Variants in KLHL29 observed in about 807,000 individuals in gnomAD.
The protein encoded by KLHL29 is kelch-like protein 29.
In KLHL29, 21 loss-of-function variants were observed where a neutral mutation model predicts 80.4. The observed-to-expected ratio is 0.26, with a 90% CI of 0.19 to 0.38. The LOEUF (loss-of-function observed/expected upper bound fraction) is 0.38, where lower values mean the gene tolerates loss of function less well. Ranked by LOEUF, KLHL29 falls within the 10% of genes least tolerant of loss-of-function variation. The pLI is 1.00. For missense variants in KLHL29, 867 were observed against 1,223.9 expected (o/e 0.71, Z 4.35); for synonymous variants, 511 against 526.8 (o/e 0.97, Z 0.41).
Position 23,400,485 on chromosome 2 carries a change from T to A in KLHL29, c.-154+14705T>A, listed in dbSNP as rs568576099. Among the ~76,000 whole-genome samples, 7 of 152,260 alleles carry A rather than the reference T, an allele frequency of 4.6e-5. No homozygotes were observed. In the South Asian group the frequency reaches 1.5e-3, roughly 32 times the overall value. ...CAACACTGAGGTCAGTGTCTCCTCA[T>A]TTCCCCAATGCTGGGCAGTATCTTA... is the stretch of plus-strand genomic sequence containing the variant. On this transcript the variant is annotated intron_variant, in intron 1 of 13. Transcript: ENST00000486442.
At chr2:23,510,942 C>CA (rs1473337951) in intron 2 of KLHL29, among the ~76,000 whole-genome samples, 1 of 151,954 alleles carries the variant, frequency 6.6e-6, no homozygotes, top group Non-Finnish European at 1.5e-5. Flanking sequence ...TGAGTTTGGA[C>CA]AAAAAAATAT....
intron 3 of KLHL29, among the ~76,000 whole-genome samples, chr2:23,584,214 G>A (rs1016016797): frequency 6.6e-6 from 1 of 152,182 alleles, no homozygotes; most frequent in African/African-American, 2.4e-5. Flanking sequence ...CCTGGGCCTG[G>A]GTATGAAATT....
intron 1 of KLHL29, among the ~76,000 whole-genome samples, 155 bp downstream of exon 1, chr2:23,385,935 G>A (rs1666165749): frequency 6.6e-6 from 1 of 151,972 alleles, no homozygotes; most frequent in African/African-American, 2.4e-5. Context: ...GGCGACAGGA[G>A]CCTCCCGCGT....
intron 11 of KLHL29, among the ~76,000 whole-genome samples, chr2:23,698,659 CATT>C (rs1244891487): frequency 6.6e-6 from 1 of 152,138 alleles, no homozygotes; most frequent in African/African-American, 2.4e-5. Context: ...TGTATTATAT[CATT>C]ATATAAATAA....
chr2:23,594,833 G>A (rs1457716244), intron 3 of KLHL29, among the ~76,000 whole-genome samples: 1 of 151,998 alleles, frequency 6.6e-6, no homozygotes, highest in Non-Finnish European at 1.5e-5. Flanking sequence ...CATACCAAAT[G>A]GGTTTTAATT....
intron 3 of KLHL29, among the ~76,000 whole-genome samples, chr2:23,575,068 C>G (rs1667809573): frequency 6.6e-6 from 1 of 152,200 alleles, no homozygotes; most frequent in Admixed American, 6.5e-5. Context: ...CAGCCTCTCC[C>G]CTCTCCCATT....
intron 1 of KLHL29, among the ~76,000 whole-genome samples, chr2:23,419,257 C>T (rs1662710135): frequency 6.6e-6 from 1 of 152,254 alleles, no homozygotes; most frequent in Non-Finnish European, 1.5e-5. Context: ...CTGGCCAGAA[C>T]TGTCCCGCTC....
At chr2:23,459,782 CT>C (rs1162670551) in intron 1 of KLHL29, among the ~76,000 whole-genome samples, 1 of 152,168 alleles carries the variant, frequency 6.6e-6, no homozygotes, top group Non-Finnish European at 1.5e-5. Flanking sequence ...GTGTTGAAAG[CT>C]TCTGGGATAG....
chr2:23,388,980 T>TTTCTTCTTC (rs1553317242), intron 1 of KLHL29, among the ~76,000 whole-genome samples: 1 of 136,162 alleles, frequency 7.3e-6, no homozygotes. Context: ...TTTTTCTTTC[T>TTTCTTCTTC]TTCTTCTTCT....
At chr2:23,685,513 AC>A (rs1671217975) in intron 6 of KLHL29, 2 of 151,942 alleles carry the variant, frequency 1.3e-5, no homozygotes, top group African/African-American at 4.8e-5. Context: ...TTGCCAACTA[AC>A]CCCGGAGTGA....
rs1486820285 is a variant in KLHL29, at chr2:23,696,213, C to T, written c.1924+80C>T. 4.7e-6 allele frequency: 7 copies of T among 1,492,776 alleles called. No homozygotes were observed. The highest frequency in any genetic ancestry group is 2.5e-5 in the East Asian group (1 of 40,600). The allele number at this position is 1,492,776 out of a possible 1,614,324, so 92.5% of individuals were successfully genotyped here. A position where few individuals can be genotyped will look rare whatever the true frequency, so the allele number is the denominator to read the frequency against. On this transcript the variant is annotated intron_variant, in intron 10 of 13. Coordinates refer to ENST00000486442, the MANE Select transcript of KLHL29 (RefSeq NM_052920.2). The surrounding 1 kb of genome is among the most constrained non-coding windows in gnomAD (Gnocchi z 5.5). The stretch of plus-strand genomic sequence containing the variant: ...CTCCCCACGTCAGGGCTGAGGAAGG[C>T]CATGGCCCAGAAGTGTCTACTTTGC...
chr2:23,412,141 C>A (rs563298228), intron 1 of KLHL29, among the ~76,000 whole-genome samples: 12 of 127,788 alleles, frequency 9.4e-5, no homozygotes, highest in Admixed American at 4.8e-4. Flanking sequence ...GGGGGCGGTG[C>A]GGTAGAGGTA....
intron 1 of KLHL29, among the ~76,000 whole-genome samples, chr2:23,388,788 C>T (rs1448758009): frequency 6.6e-6 from 1 of 151,800 alleles, no homozygotes; most frequent in Non-Finnish European, 1.5e-5. Flanking sequence ...CAAATGGCAC[C>T]CCTAATACTA....
intron 5 of KLHL29, among the ~76,000 whole-genome samples, chr2:23,663,307 C>G (rs1322931268): frequency 1.3e-5 from 2 of 152,218 alleles, no homozygotes; most frequent in African/African-American, 4.8e-5. Flanking sequence ...TAGGGGTCCC[C>G]TCCTCGCCTG....
intron 2 of KLHL29, among the ~76,000 whole-genome samples, chr2:23,507,418 G>A (rs879611051): frequency 6.6e-6 from 1 of 152,144 alleles, no homozygotes; most frequent in Non-Finnish European, 1.5e-5. Context: ...CCGTCCCGGA[G>A]CAGCGTCACA....
At chr2:23,508,225 T>C (rs1665661416) in intron 2 of KLHL29, among the ~76,000 whole-genome samples, 1 of 152,242 alleles carries the variant, frequency 6.6e-6, no homozygotes, top group Non-Finnish European at 1.5e-5. Flanking sequence ...ACCGTCTTAC[T>C]ACTCTCACAG....
intron 5 of KLHL29, among the ~76,000 whole-genome samples, chr2:23,654,549 C>CTTGTAGTAATGGTG: frequency 6.6e-6 from 1 of 152,244 alleles, no homozygotes; most frequent in East Asian, 1.9e-4. Context: ...TGTGGCCTCC[C>CTTGTAGTAATGGTG]CCTGGGTCTT....
chr2:23,559,348 A>G (rs879531811), intron 2 of KLHL29, among the ~76,000 whole-genome samples: 1 of 152,090 alleles, frequency 6.6e-6, no homozygotes, highest in Non-Finnish European at 1.5e-5. Flanking sequence ...TAAAGCAGGA[A>G]AGTAAAGTGT....
chr2:23,676,278 G>A (rs192628699), intron 5 of KLHL29, among the ~76,000 whole-genome samples: 73 of 152,316 alleles, frequency 4.8e-4, no homozygotes, highest in Admixed American at 1.1e-3. Flanking sequence ...CGCTTCCCGG[G>A]TTCACACCAT....
Sources: gnomAD v4.1 joint callset for allele counts (sites outside exome capture counted in the v4.1 genomes callset) on GRCh38, gnomAD v4.1.1 for gene constraint, Gnocchi (gnomAD v3.1) non-coding constraint, MANE v1.5 for transcripts, NCBI Gene and HGNC (gene_info 2026-07-23, HGNC 2026-07-21) for gene names.